Variants in SLC16A14 observed in about 807,000 individuals in gnomAD.
SLC16A14 encodes the protein monocarboxylate transporter 14.
Under a neutral mutation model 35.8 loss-of-function variants are expected in SLC16A14, and 14 were observed. The observed-to-expected ratio is 0.39, with a 90% confidence interval of 0.26 to 0.61. SLC16A14 has a LOEUF of 0.61. SLC16A14 is among the 20% of genes least tolerant of loss of function. The pLI is 0.51. For missense variants in SLC16A14, 533 were observed against 655.0 expected, an observed-to-expected ratio of 0.81 and a Z score of 2.03; for synonymous variants, 248 against 258.9, an observed-to-expected ratio of 0.96 and a Z score of 0.40.
chr2:230,063,192 T>G (rs1577401854), intron 1 of SLC16A14, among the ~76,000 whole-genome samples: 1 of 148,074 alleles, frequency 6.8e-6, no homozygotes, highest in Non-Finnish European at 1.5e-5. Context: ...GAGGCTGAGG[T>G]AGGAGAATTG....
At chr2:230,060,847 G>A (rs922913315) in intron 1 of SLC16A14, among the ~76,000 whole-genome samples, 11 of 145,608 alleles carry the variant, frequency 7.6e-5, no homozygotes, top group African/African-American at 2.8e-4. Flanking sequence ...TCTGAGTCTG[G>A]AGGAAGGAGG....
Position 230,037,386 on chromosome 2 carries a change from A to G in SLC16A14, c.1527T>C (p.His509=), listed in dbSNP as rs1577379495. Residue 509 remains histidine, a synonymous_variant, in exon 5 of 5, where the codon CAT becomes CAC. Transcript: ENST00000295190. ...CACGGAACATTACATGATACTAAACATGTGCACCATCCATGTATTTTCTTC... is the reference window on the plus strand; with the variant it reads ...CACGGAACATTACATGATACTAAACGTGTGCACCATCCATGTATTTTCTTC... ...QSRRKYMDGA[H]V is the part of the protein sequence containing the mutation. The G allele has an allele frequency of 1.2e-6, 2 of 1,604,822 alleles. No individual in the cohort carries two copies. The highest frequency in any genetic ancestry group is 4.5e-5 in the East Asian group (2 of 44,692).
In SLC16A14 at chr2:230,035,324, C is replaced by T. The variant is rs543064277; in HGVS notation, c.*2056G>A. On this transcript the variant is annotated 3_prime_UTR_variant, in exon 5 of 5. Transcript: ENST00000295190. ...AACTTAGATGTAATTAGAGTTGAGTCATTGGATAAAAAGTTCATATTGATG... is the reference window on the plus strand; with the variant it reads ...AACTTAGATGTAATTAGAGTTGAGTTATTGGATAAAAAGTTCATATTGATG... 6.5e-6 allele frequency: 1 copy of T among 152,700 alleles called. No individual in the cohort carries two copies. The allele number at this position is 152,700 out of a possible 1,614,324, so 9.5% of individuals were successfully genotyped here. A position where few individuals can be genotyped will look rare whatever the true frequency, so the allele number is the denominator to read the frequency against.
intron 4 of SLC16A14, among the ~76,000 whole-genome samples, chr2:230,045,085 C>T (rs895314927): frequency 1.3e-5 from 2 of 152,162 alleles, no homozygotes; most frequent in African/African-American, 2.4e-5. Flanking sequence ...CAACAATTCT[C>T]AGTATTTCTT....
intron 1 of SLC16A14, 87 bp from the exon 2 acceptor site, chr2:230,059,453 G>T: frequency 1.0e-6 from 1 of 1,001,820 alleles, no homozygotes; most frequent in Non-Finnish European, 1.4e-6. Context: ...TCCCCATCAG[G>T]GTCAAAGTGG....
chr2:230,039,338 G>A (rs1560469351), intron 4 of SLC16A14, among the ~76,000 whole-genome samples: 1 of 152,020 alleles, frequency 6.6e-6, no homozygotes. Context: ...AAAAAAATCT[G>A]ACTCTTTAGA....
chr2:230,065,052 G>C (rs1203082567), intron 1 of SLC16A14, among the ~76,000 whole-genome samples: 2 of 152,204 alleles, frequency 1.3e-5, no homozygotes, highest in African/African-American at 2.4e-5. Context: ...TAGTTTTTCA[G>C]CCCGTGTGTT....
intron 1 of SLC16A14, among the ~76,000 whole-genome samples, chr2:230,065,684 A>G (rs1395136745): frequency 1.3e-5 from 2 of 152,242 alleles, no homozygotes; most frequent in South Asian, 2.1e-4. Flanking sequence ...TTCTAGACCA[A>G]CTAGTTAATG....
chr2:230,066,512 C>T, intron 1 of SLC16A14: 1 of 353,428 alleles, frequency 2.8e-6, no homozygotes, highest in Non-Finnish European at 5.4e-6. Flanking sequence ...GGCTATGAAA[C>T]TGGGTCAGCT....
chr2:230,059,163 C>T lies in SLC16A14; in HGVS notation c.190G>A (p.Glu64Lys). ...LGVLNVEWLE[E>K]FHQSRGLTAW... ...GTCAGGCCGCGGCTCTGGTGGAATT[C>T]TTCCAGCCATTCCACGTTGAGGACA... The change falls in exon 2 of 5, where the codon GAA becomes AAA. Residue 64 changes from glutamate (E) to lysine (K), a missense_variant. Physicochemically the swap from Glu to Lys is moderately conservative, Grantham distance 56 (BLOSUM62 1). Transcript: ENST00000295190. 6.2e-7 allele frequency: 1 copy of T among 1,614,194 alleles called. No individual in the cohort carries two copies. Among genetic ancestry groups the T allele is most frequent in the Non-Finnish European group, 8.5e-7 (1 of 1,180,052 alleles).
In SLC16A14 at chr2:230,068,444, C is replaced by A. The variant is rs1370131277; in HGVS notation, c.-15+111G>T. 6.6e-6 allele frequency: 1 copy of A among 152,668 alleles called. No individual in the cohort carries two copies. Among genetic ancestry groups the A allele is most frequent in the Admixed American group, 6.5e-5 (1 of 15,286 alleles). The allele number at this position is 152,668 out of a possible 1,614,324, so 9.5% of individuals were successfully genotyped here. Reference sequence around the variant, plus strand: ...CGAGCCTGCCTTGGGCTGGGGCTGCCCCTTCCCGGGGGTCCCTGGGGGTGC... The same window carrying A: ...CGAGCCTGCCTTGGGCTGGGGCTGCACCTTCCCGGGGGTCCCTGGGGGTGC... On this transcript the variant is annotated intron_variant, in intron 1 of 4. Transcript: ENST00000295190. The surrounding 1 kb of genome is among the most constrained non-coding windows in gnomAD (Gnocchi z 5.1).
chr2:230,037,642 G>T, intron 4 of SLC16A14, 111 bp from the exon 5 acceptor site: 9 of 792,280 alleles, frequency 1.1e-5, no homozygotes, highest in South Asian at 9.3e-5. Context: ...GAATTTATAT[G>T]TCATTTCATA....
At chr2:230,064,290 GTGTGTGTGTGTGTGTGTGTGTGTA>G (rs1420330180) in intron 1 of SLC16A14, among the ~76,000 whole-genome samples, 122 of 101,926 alleles carry the variant, frequency 1.2e-3, no homozygotes, top group Non-Finnish European at 2.2e-3. Flanking sequence ...AGCCTTGTCT[GTGTGTGTGTGTGTGTGTGTGTGTA>G]TGTGTGTGTG....
At chr2:230,052,094 G>A (rs1414853983) in intron 2 of SLC16A14, among the ~76,000 whole-genome samples, 4 of 151,962 alleles carry the variant, frequency 2.6e-5, no homozygotes, top group Admixed American at 2.6e-4. Flanking sequence ...ACGCCACCAT[G>A]CCTGGCTAAT....
chr2:230,065,867 A>G (rs961778252), intron 1 of SLC16A14, among the ~76,000 whole-genome samples: 2 of 152,144 alleles, frequency 1.3e-5, no homozygotes, highest in Admixed American at 6.6e-5. Context: ...TAGAGGGTGT[A>G]TCTGTACCCC....
intron 4 of SLC16A14, among the ~76,000 whole-genome samples, chr2:230,044,879 A>C (rs1369521546): frequency 6.6e-6 from 1 of 151,968 alleles, no homozygotes; most frequent in East Asian, 1.9e-4. Context: ...ACTCCTGGCC[A>C]ATCTGTATTG....
chr2:230,050,346 GCCCGTTTGACTGGGACACAC>G (rs1226263520), intron 2 of SLC16A14, among the ~76,000 whole-genome samples: 1 of 152,178 alleles, frequency 6.6e-6, no homozygotes, highest in Non-Finnish European at 1.5e-5. Context: ...CAGTGGCTGA[GCCCGTTTGACTGGGACACAC>G]CCCTTCCAGT....
In SLC16A14 at chr2:230,046,350, A is replaced by G. The variant is rs370792922; in HGVS notation, c.776T>C (p.Leu259Pro). 6.2e-7 allele frequency: 1 copy of G among 1,614,036 alleles called. No individual in the cohort carries two copies. The highest frequency in any genetic ancestry group is 1.3e-5 in the African/African-American group (1 of 74,932). ...KDGGLGNEET[L>P]CDLQAQECPD... ...GCACTCCTGGGCTTGCAGGTCGCAG[A>G]GGGTCTCCTCGTTCCCGAGCCCACC... Residue 259 changes from leucine (L) to proline (P), a missense_variant, in exon 4 of 5, where the codon CTC (leucine) becomes CCC (proline). Transcript: ENST00000295190. This position sits in a 1 kb window ranked among gnomAD's most constrained non-coding sequence, Gnocchi z 5.0.
At chr2:230,043,798 G>C (rs1282822364) in intron 4 of SLC16A14, among the ~76,000 whole-genome samples, 1 of 152,190 alleles carries the variant, frequency 6.6e-6, no homozygotes, top group Non-Finnish European at 1.5e-5. Flanking sequence ...CACAGTACCT[G>C]GTGTCTTGGG....
Sources: gnomAD v4.1 joint callset for allele counts (sites outside exome capture counted in the v4.1 genomes callset) on GRCh38, gnomAD v4.1.1 for gene constraint, Gnocchi (gnomAD v3.1) non-coding constraint, MANE v1.5 for transcripts, NCBI Gene and HGNC (gene_info 2026-07-23, HGNC 2026-07-21) for gene names.